MUC4: variants seen among roughly 807,000 people sequenced by gnomAD.
The protein encoded by MUC4 is mucin-4.
Under a neutral mutation model 257.9 loss-of-function variants are expected in MUC4, and 202 were observed. The observed-to-expected ratio is 0.78, with a 90% confidence interval of 0.70 to 0.88. The LOEUF is 0.88. MUC4 is among the 40% of genes least tolerant of loss of function. The probability of loss-of-function intolerance (pLI) is 0.00; values close to 1 mark genes in which losing one functional copy is unlikely to be tolerated. For synonymous variants in MUC4, 2,351 were observed against 2,757.1 expected, an observed-to-expected ratio of 0.85 and a Z score of 4.62; for missense variants, 5,976 against 6,513.7, an observed-to-expected ratio of 0.92 and a Z score of 2.84.
chr3:195,750,970 C>T lies in MUC4; in HGVS notation c.15790G>A (p.Val5264Ile), dbSNP rs761840455. 25 of 1,613,984 alleles carry T rather than the reference C, an allele frequency of 1.5e-5. No homozygotes were observed. The highest frequency in any genetic ancestry group is 2.0e-5 in the Non-Finnish European group (24 of 1,180,002). Residue 5264 changes from valine (V) to isoleucine (I), a missense_variant, in exon 23 of 25, where the codon GTT becomes ATT. Physicochemically the swap from Val to Ile is conservative, Grantham distance 29. Around this residue, in one of 44 missense-constraint regions of MUC4, gnomAD observed 310 missense variants for 242.1 expected, o/e 1.28. Transcript: ENST00000463781. ...CTGGGCTCCTCACTCCTCCGTGGAACGTGGTATAAGAACGCCTCCACCACC... is the reference window on the plus strand; with the variant it reads ...CTGGGCTCCTCACTCCTCCGTGGAATGTGGTATAAGAACGCCTCCACCACC... ...AAVVEAFLYH[V>I]PRRSEEPRND... is the part of the protein sequence containing the mutation.
At chr3:195,806,342 CT>C (rs1560423182) in intron 1 of MUC4, among the ~76,000 whole-genome samples, 3 of 152,202 alleles carry the variant, frequency 2.0e-5, no homozygotes, top group Admixed American at 2.0e-4. Flanking sequence ...TCACAGGGCC[CT>C]TCCTGACTTG....
Position 195,789,405 on chromosome 3 carries a change from C to T in MUC4, c.2175G>A (p.Gly725=), listed in dbSNP as rs1485014217. ...AAPSSHDATL[G]PSGGTSLSKT... is the part of the protein sequence containing the mutation. The stretch of plus-strand genomic sequence containing the variant: ...TGGAAAGTGACGTGCCTCCTGAGGG[C>T]CCCAGGGTGGCATCATGGCTGCTGG... Residue 725 remains glycine (G), a synonymous_variant, in exon 2 of 25, where the codon GGG becomes GGA. Coordinates refer to ENST00000463781, the MANE Select transcript of MUC4 (RefSeq NM_018406.7). 1.9e-6 allele frequency: 3 copies of T among 1,613,756 alleles called. No homozygotes were observed. Among genetic ancestry groups the T allele is most frequent in the Admixed American group, 1.7e-5 (1 of 59,986 alleles).
chr3:195,788,714 T>G lies in MUC4; in HGVS notation c.2866A>C (p.Thr956Pro). The G allele has an allele frequency of 6.2e-7, 1 of 1,612,390 alleles. No homozygotes were observed. Among genetic ancestry groups the G allele is most frequent in the Non-Finnish European group, 8.5e-7 (1 of 1,179,754 alleles). Residue 956 changes from threonine to proline, a missense_variant, in exon 2 of 25, where the codon ACT (threonine) becomes CCT (proline). Physicochemically the swap from Thr to Pro is conservative, Grantham distance 38 (BLOSUM62 -1). Coordinates refer to ENST00000463781, the MANE Select transcript of MUC4 (RefSeq NM_018406.7). The part of the protein sequence containing the change: ...GLTSPQTETH[T>P]LSPSGSGKTF... Reference sequence around the variant, plus strand: ...TTACCAGACCCTGAAGGTGACAGAGTGTGGGTCTCGGTTTGTGGAGATGTA... The same window carrying G: ...TTACCAGACCCTGAAGGTGACAGAGGGTGGGTCTCGGTTTGTGGAGATGTA...
Position 195,774,305 on chromosome 3 carries a change from C to T in MUC4, c.12944G>A (p.Gly4315Glu). 1 of 1,554,514 alleles carries T rather than the reference C, an allele frequency of 6.4e-7. No individual in the cohort carries two copies. Among genetic ancestry groups the T allele is most frequent in the Middle Eastern group, 1.8e-4 (1 of 5,664 alleles). The change falls in exon 4 of 25, where the codon GGA becomes GAA. Residue 4315 changes from glycine to glutamate, a missense_variant and splice_region_variant. Physicochemically the swap from Gly to Glu is moderately conservative, Grantham distance 98. Transcript: ENST00000463781. ...TGCCCCATAGGGGAAGAGGGAAACT[C>T]CTGGGCCAGGACAGAGAAGAGCAGG... Reference protein sequence around the residue: ...AAPIPILPERGVSLFPYGAGA... With the variant: ...AAPIPILPEREVSLFPYGAGA...
intron 1 of MUC4, among the ~76,000 whole-genome samples, chr3:195,805,781 G>A (rs1188531088): frequency 6.6e-6 from 1 of 152,022 alleles, no homozygotes; most frequent in Non-Finnish European, 1.5e-5. Flanking sequence ...ACAGCCATGA[G>A]TCACTGTGCC....
In MUC4 at chr3:195,757,434, TC is replaced by T; in HGVS notation, c.14987-107del. ...CACCCCTCTCAGGCCACCCTCCCCC[TC>T]CCCAGACAAATCTCATTGGTCATTT... On this transcript the variant is annotated intron_variant, in intron 17 of 24. Coordinates refer to ENST00000463781, the MANE Select transcript of MUC4 (RefSeq NM_018406.7). This position sits in a 1 kb window ranked among gnomAD's most constrained non-coding sequence, Gnocchi z 4.8. 1 of 960,098 alleles carries T rather than the reference TC, an allele frequency of 1.0e-6. No individual in the cohort carries two copies. Among genetic ancestry groups the T allele is most frequent in the East Asian group, 2.8e-5 (1 of 35,600 alleles). The allele number at this position is 960,098 out of a possible 1,614,324, so 59.5% of individuals were successfully genotyped here.
In MUC4 at chr3:195,783,005, T is replaced by C; in HGVS notation, c.8575A>G (p.Thr2859Ala). The C allele has an allele frequency of 6.7e-7, 1 of 1,497,828 alleles. No homozygotes were observed. Among genetic ancestry groups the C allele is most frequent in the Non-Finnish European group, 9.0e-7 (1 of 1,114,946 alleles). 92.8% of individuals were successfully genotyped at this position (1,497,828 alleles called of 1,614,324 possible). Residue 2859 changes from threonine (T) to alanine (A), a missense_variant, in exon 2 of 25, where the codon ACA becomes GCA. By Grantham distance (58) the Thr-to-Ala change is moderately conservative (BLOSUM62 0). Coordinates refer to ENST00000463781, the MANE Select transcript of MUC4 (RefSeq NM_018406.7). ...LPVTDASSVSTGHATSLPVTD... is the reference protein window; with the variant it reads ...LPVTDASSVSAGHATSLPVTD... ...ACAGGAAGAGAGGTGGCGTGACCTG[T>C]GGACACTGAGGAAGCGTCGGTGACA...
Position 195,790,595 on chromosome 3 carries a change from T to C in MUC4, c.985A>G (p.Ser329Gly), listed in dbSNP as rs1451926555. Reference protein sequence around the residue: ...TAFSKNHQTQSVETTRVSQIN... With the variant: ...TAFSKNHQTQGVETTRVSQIN... ...TGAGATACTCTGGTGGTCTCCACGC[T>C]CTGAGTCTGGTGGTTCTTAGAAAAA... The change falls in exon 2 of 25, where the codon AGC becomes GGC. Residue 329 changes from serine (S) to glycine (G), a missense_variant. Physicochemically the swap from Ser to Gly is moderately conservative, Grantham distance 56. Around this residue, in one of 44 missense-constraint regions of MUC4, gnomAD observed 1,583 missense variants for 1,257.4 expected, o/e 1.26. Transcript: ENST00000463781. The C allele has an allele frequency of 5.0e-6, 8 of 1,613,928 alleles. No homozygotes were observed. Among genetic ancestry groups the C allele is most frequent in the Admixed American group, 1.7e-5 (1 of 60,000 alleles).
chr3:195,789,848 G>A lies in MUC4; in HGVS notation c.1732C>T (p.Leu578Phe), dbSNP rs750056816. The A allele has an allele frequency of 6.2e-7, 1 of 1,613,882 alleles. No homozygotes were observed. Among genetic ancestry groups the A allele is most frequent in the Non-Finnish European group, 8.5e-7 (1 of 1,179,848 alleles). ...TQETGTTGEALLSSPSYSVTQ... is the reference protein window; with the variant it reads ...TQETGTTGEAFLSSPSYSVTQ... ...ACACTGTAGCTTGGGCTGCTGAGAA[G>A]AGCCTCTCCAGTGGTCCCCGTTTCT... The change falls in exon 2 of 25, where the codon CTT becomes TTT. Residue 578 changes from leucine to phenylalanine, a missense_variant. Leu to Phe is a conservative substitution (Grantham distance 22). Coordinates refer to ENST00000463781, the MANE Select transcript of MUC4 (RefSeq NM_018406.7).
At chr3:195,771,533 C>T (rs1722888785) in intron 5 of MUC4, 119 bp downstream of exon 5, 5 of 1,215,692 alleles carry the variant, frequency 4.1e-6, no homozygotes, top group African/African-American at 1.5e-5. Flanking sequence ...ATATTTAAGC[C>T]TCAGTCCCCT....
chr3:195,765,494 C>G, intron 8 of MUC4, 45 bp from the exon 9 acceptor site: 1 of 1,563,814 alleles, frequency 6.4e-7, no homozygotes, highest in Non-Finnish European at 8.7e-7. Context: ...AGGGCTGGGG[C>G]TGCAGGCCCT....
Position 195,790,756 on chromosome 3 carries a change from C to A in MUC4, c.824G>T (p.Gly275Val). The A allele has an allele frequency of 6.2e-7, 1 of 1,613,936 alleles. No homozygotes were observed. Among genetic ancestry groups the A allele is most frequent in the South Asian group, 1.1e-5 (1 of 91,074 alleles). The change falls in exon 2 of 25, where the codon GGA becomes GTA. Residue 275 changes from glycine to valine, a missense_variant. By Grantham distance (109) the Gly-to-Val change is moderately radical. This residue lies in a region of MUC4 where 1,583 missense variants were observed against 1,257.4 expected (regional missense o/e 1.26). Transcript: ENST00000463781. ...TVTTSTGSTL[G>V]NPGETSSVPV... ...TACTGATGATGTCTCCCCTGGGTTT[C>A]CAAGAGTGGAGCCTGTGGAGGTTGT...
rs959223878 is a variant in MUC4, at chr3:195,792,236, C to T, written c.83-739G>A. On this transcript the variant is annotated intron_variant, in intron 1 of 24. Transcript: ENST00000463781. ...GAGAAAATTTTTGCAATCTAACCAT[C>T]TGACAGAGGTCTAATATCCAGAATT... is the stretch of plus-strand genomic sequence containing the variant. Among the ~76,000 whole-genome samples the T allele has an allele frequency of 3.3e-5, 5 of 152,168 alleles. No homozygotes were observed. The East Asian group carries it at 9.6e-4, about 29-fold the overall frequency.
chr3:195,760,839 T>G, intron 16 of MUC4, 45 bp downstream of exon 16: 1 of 1,539,630 alleles, frequency 6.5e-7, no homozygotes, highest in East Asian at 2.2e-5. Flanking sequence ...GCTCCTCATC[T>G]GCTCCCGACT....
chr3:195,780,831 G>A lies in MUC4; in HGVS notation c.10749C>T (p.Thr3583=), dbSNP rs372895165. The A allele has an allele frequency of 7.6e-6, 2 of 264,462 alleles. No homozygotes were observed. The highest frequency in any genetic ancestry group is 1.1e-5 in the Non-Finnish European group (2 of 188,158). 16.4% of individuals were successfully genotyped at this position (264,462 alleles called of 1,614,324 possible). ...AGGAAGCGTCGGTGACAAGAAGAGG[G>A]GTGGTGTCACCTGTGGATACTGAGG... ...SLSSVSTGDT[T]PLLVTDASSV... is the part of the protein sequence containing the mutation. The change falls in exon 2 of 25, where the codon ACC becomes ACT. Residue 3583 remains threonine (T), a synonymous_variant. Coordinates refer to ENST00000463781, the MANE Select transcript of MUC4 (RefSeq NM_018406.7).
chr3:195,767,164 A>G (rs1456269279), intron 7 of MUC4, among the ~76,000 whole-genome samples: 1 of 152,076 alleles, frequency 6.6e-6, no homozygotes, highest in Non-Finnish European at 1.5e-5. Flanking sequence ...GATGGATTCA[A>G]CTGCTGATCC....
Position 195,787,508 on chromosome 3 carries a change from T to G in MUC4, c.4072A>C (p.Thr1358Pro), listed in dbSNP as rs79461778. 1.0e-5 allele frequency: 6 copies of G among 575,108 alleles called. No individual in the cohort carries two copies. The Admixed American group carries it at 2.2e-4, about 21-fold the overall frequency. The allele number at this position is 575,108 out of a possible 1,614,324, so 35.6% of individuals were successfully genotyped here. A position where few individuals can be genotyped will look rare whatever the true frequency, so the allele number is the denominator to read the frequency against. Residue 1358 changes from threonine (T) to proline (P), a missense_variant, in exon 2 of 25, where the codon ACC becomes CCC. Transcript: ENST00000463781. ...TDASSVSTGH[T>P]TPLHVTDASS... is the part of the protein sequence containing the mutation. ...GCATCAGTGACATGAAGAGGGGTGGTGTGACCTGTGGATACTGAGGAAGCG... is the reference window on the plus strand; with the variant it reads ...GCATCAGTGACATGAAGAGGGGTGGGGTGACCTGTGGATACTGAGGAAGCG...
Position 195,791,313 on chromosome 3 carries a change from T to C in MUC4, c.267A>G (p.Gln89=). ...TKSTETTSKA[Q]TDTLTQMMTS... ...TCATCATCTGCGTGAGGGTGTCGGTTTGAGCTTTGCTGGTGGTCTCCGTGC... is the reference window on the plus strand; with the variant it reads ...TCATCATCTGCGTGAGGGTGTCGGTCTGAGCTTTGCTGGTGGTCTCCGTGC... Residue 89 remains glutamine, a synonymous_variant, in exon 2 of 25, where the codon CAA becomes CAG. Coordinates refer to ENST00000463781, the MANE Select transcript of MUC4 (RefSeq NM_018406.7). 1 of 1,613,896 alleles carries C rather than the reference T, an allele frequency of 6.2e-7. No homozygotes were observed. The highest frequency in any genetic ancestry group is 1.1e-5 in the South Asian group (1 of 91,078).
intron 18 of MUC4, among the ~76,000 whole-genome samples, chr3:195,756,876 T>A (rs562490051): frequency 6.6e-6 from 1 of 152,242 alleles, no homozygotes; most frequent in South Asian, 2.1e-4. Context: ...TTGGTCAGGA[T>A]GGTCTCGATC....
Sources: allele counts gnomAD v4.1 joint callset (sites outside exome capture counted in the v4.1 genomes callset), GRCh38; gene constraint gnomAD v4.1.1; regional missense constraint gnomAD v4.1.1; non-coding constraint Gnocchi (gnomAD v3.1); transcripts MANE v1.5; gene names NCBI Gene and HGNC (gene_info 2026-07-23, HGNC 2026-07-21).